The following MAN1A1 variants were observed in gnomAD, a reference collection of about 807,000 sequenced individuals.
The protein encoded by MAN1A1 is mannosyl-oligosaccharide 1,2-alpha-mannosidase IA.
A neutral mutation model predicts 70.8 loss-of-function variants in MAN1A1; 29 were observed. That is an observed-to-expected ratio of 0.41 (90% CI 0.31 to 0.56). MAN1A1 has a LOEUF of 0.56. Among genes scored for constraint, MAN1A1 ranks in the 20% least tolerant of loss-of-function variants. The pLI is 0.29. For missense variants in MAN1A1, 747 were observed against 841.3 expected (o/e 0.89, Z 1.39); for synonymous variants, 349 against 330.1 (o/e 1.06, Z -0.62).
At chr6:119,193,919 G>T in intron 8 of MAN1A1, 27 bp from the exon 9 acceptor site, 1 of 1,441,424 alleles carries the variant, frequency 6.9e-7, no homozygotes. Context: ...ATGAATTTTA[G>T]AGTGATTCAG....
Position 119,349,504 on chromosome 6 carries a change from AGGGCAGCGCGCGAGCACCTCGGGGAG to A in MAN1A1, c.-223+12_-223+37del. On this transcript the variant is annotated intron_variant, in intron 1 of 12. Transcript: ENST00000368468. ...GGGGTGTCCCGCGCAGGAAGGGGTC[AGGGCAGCGCGCGAGCACCTCGGGGAG>A]GGGCAGCGCACCTCTGGGCAGGAGG... is the stretch of plus-strand genomic sequence containing the variant. 1.0e-6 allele frequency: 1 copy of A among 979,530 alleles called. No individual in the cohort carries two copies. The highest frequency in any genetic ancestry group is 1.2e-6 in the Non-Finnish European group (1 of 823,998). The allele number at this position is 979,530 out of a possible 1,614,324, so 60.7% of individuals were successfully genotyped here. A position where few individuals can be genotyped will look rare whatever the true frequency, so the allele number is the denominator to read the frequency against.
At chr6:119,192,047 C>T (rs1264251024) in intron 9 of MAN1A1, among the ~76,000 whole-genome samples, 1 of 152,106 alleles carries the variant, frequency 6.6e-6, no homozygotes, top group Non-Finnish European at 1.5e-5. Context: ...TTCATTTGTT[C>T]TTAATGGATT....
Position 119,183,758 on chromosome 6 carries a change from C to A in MAN1A1, c.1720-3331G>T, listed in dbSNP as rs575596307. Among the ~76,000 whole-genome samples the A allele has an allele frequency of 3.7e-4, 56 of 152,200 alleles. 3 individuals carry two copies. The South Asian group carries it at 0.011, about 31-fold the overall frequency. ...CCTCTCATTCTTGTTCCCCACAAGT[C>A]CTCTTGGGGTAAGCTATAGTATTCA... On this transcript the variant is annotated intron_variant, in intron 11 of 12. Coordinates refer to ENST00000368468, the MANE Select transcript of MAN1A1 (RefSeq NM_005907.4).
chr6:119,265,513 A>G (rs1182126956), intron 5 of MAN1A1, among the ~76,000 whole-genome samples: 3 of 152,212 alleles, frequency 2.0e-5, no homozygotes, highest in Non-Finnish European at 4.4e-5. Context: ...AATAAAGTTT[A>G]ATAAAAATTT....
intron 4 of MAN1A1, among the ~76,000 whole-genome samples, chr6:119,297,735 C>CTTT (rs386408421): frequency 1.2e-3 from 118 of 95,668 alleles, no homozygotes; most frequent in Admixed American, 2.0e-3. Context: ...AAATAGTTTC[C>CTTT]TTTTTTTTTT....
At chr6:119,297,712 A>G (rs1772254346) in intron 4 of MAN1A1, among the ~76,000 whole-genome samples, 1 of 148,914 alleles carries the variant, frequency 6.7e-6, no homozygotes, top group Admixed American at 6.7e-5. Flanking sequence ...CTTGGTATGT[A>G]TCACATATTA....
At chr6:119,242,665 C>T (rs1775044663) in intron 6 of MAN1A1, among the ~76,000 whole-genome samples, 2 of 152,126 alleles carry the variant, frequency 1.3e-5, no homozygotes, top group Admixed American at 6.6e-5. Context: ...TGTTTCATAG[C>T]ACTCTGCAAG....
intron 8 of MAN1A1, among the ~76,000 whole-genome samples, chr6:119,194,303 A>C (rs1773511633): frequency 6.6e-6 from 1 of 152,180 alleles, no homozygotes; most frequent in Admixed American, 6.5e-5. Flanking sequence ...GTTTGTAATA[A>C]ATAAAACAAG....
At chr6:119,239,414 C>T (rs1286228741) in intron 6 of MAN1A1, among the ~76,000 whole-genome samples, 2 of 152,098 alleles carry the variant, frequency 1.3e-5, no homozygotes, top group Non-Finnish European at 2.9e-5. Flanking sequence ...TCCCATTTTT[C>T]AGAACATATC....
chr6:119,310,035 T>C (rs1772656416), intron 2 of MAN1A1, among the ~76,000 whole-genome samples: 1 of 152,216 alleles, frequency 6.6e-6, no homozygotes, highest in Non-Finnish European at 1.5e-5. Flanking sequence ...AAACATAAGA[T>C]ACTGCCTGTT....
intron 5 of MAN1A1, among the ~76,000 whole-genome samples, chr6:119,276,099 C>T (rs1325209308): frequency 6.6e-6 from 1 of 152,304 alleles, no homozygotes; most frequent in East Asian, 1.9e-4. Context: ...ACCATCAATA[C>T]AGAACTCTTA....
At chr6:119,271,146 G>A (rs1294357672) in intron 5 of MAN1A1, among the ~76,000 whole-genome samples, 3 of 152,134 alleles carry the variant, frequency 2.0e-5, no homozygotes, top group Non-Finnish European at 4.4e-5. Context: ...GAGTCATTGT[G>A]TTTAGATACA....
intron 2 of MAN1A1, among the ~76,000 whole-genome samples, chr6:119,318,177 C>G (rs1424261593): frequency 6.6e-6 from 1 of 152,066 alleles, no homozygotes; most frequent in South Asian, 2.1e-4. Flanking sequence ...TTGGTGTGTC[C>G]CAAAAATGTA....
In MAN1A1 at chr6:119,290,677, T is replaced by A; in HGVS notation, c.897+6A>T. On this transcript the variant is annotated splice_donor_region_variant and intron_variant, in intron 5 of 12. Transcript: ENST00000368468. ...ATTCACATTTATATACCACTTTTCATCTTACCTCTTCTCCAGACAGATAGT... is the reference window on the plus strand; with the variant it reads ...ATTCACATTTATATACCACTTTTCAACTTACCTCTTCTCCAGACAGATAGT... 6.2e-7 allele frequency: 1 copy of A among 1,600,578 alleles called. No individual in the cohort carries two copies. Among genetic ancestry groups the A allele is most frequent in the Non-Finnish European group, 8.5e-7 (1 of 1,171,496 alleles).
intron 2 of MAN1A1, among the ~76,000 whole-genome samples, chr6:119,333,042 C>T (rs1159978248): frequency 6.6e-6 from 1 of 152,094 alleles, no homozygotes; most frequent in African/African-American, 2.4e-5. Flanking sequence ...CCCTCCCTCC[C>T]TGCCAGTTTG....
intron 6 of MAN1A1, among the ~76,000 whole-genome samples, chr6:119,212,486 C>T (rs1774082797): frequency 6.6e-6 from 1 of 152,186 alleles, no homozygotes; most frequent in South Asian, 2.1e-4. Context: ...GCATAATTTA[C>T]TGAGTGCTTA....
At chr6:119,336,082 T>A (rs1266762056) in intron 2 of MAN1A1, among the ~76,000 whole-genome samples, 1 of 152,152 alleles carries the variant, frequency 6.6e-6, no homozygotes, top group African/African-American at 2.4e-5. Flanking sequence ...TATTATTATT[T>A]TTTTTGAGAC....
intron 4 of MAN1A1, among the ~76,000 whole-genome samples, chr6:119,296,439 G>T (rs1772218324): frequency 6.6e-6 from 1 of 152,204 alleles, no homozygotes; most frequent in East Asian, 1.9e-4. Flanking sequence ...CATTTAACAG[G>T]ATAATTAACT....
At chr6:119,328,513 A>C (rs195060) in intron 2 of MAN1A1, among the ~76,000 whole-genome samples, 27,503 of 152,254 alleles carry the variant, frequency 0.18, 2,823 homozygotes, top group Admixed American at 0.29. Flanking sequence ...CTAAGAAAGT[A>C]GTAAGTAGGT....
Sources: allele counts gnomAD v4.1 joint callset (sites outside exome capture counted in the v4.1 genomes callset), GRCh38; gene constraint gnomAD v4.1.1; transcripts MANE v1.5; gene names NCBI Gene and HGNC (gene_info 2026-07-23, HGNC 2026-07-21).